ARSB: variants seen among roughly 807,000 people sequenced by gnomAD.
ARSB encodes arylsulfatase B.
In ARSB, 41 loss-of-function variants were observed where a neutral mutation model predicts 50.9. The observed-to-expected ratio is 0.81, with a 90% CI of 0.63 to 1.04. The LOEUF is 1.04. ARSB is among the 50% of genes least tolerant of loss of function. ARSB has a pLI of 0.00. For synonymous variants in ARSB, 269 were observed against 284.8 expected, an observed-to-expected ratio of 0.94 and a Z score of 0.56; for missense variants, 672 against 693.3, an observed-to-expected ratio of 0.97 and a Z score of 0.35.
At chr5:78,870,593 A>G (rs1286060348) in intron 5 of ARSB, among the ~76,000 whole-genome samples, 14 of 150,400 alleles carry the variant, frequency 9.3e-5, no homozygotes, top group African/African-American at 3.5e-4. Context: ...ATGCAGAAAA[A>G]GCCTTTGACA....
intron 6 of ARSB, chr5:78,817,155 C>T: frequency 1.0e-6 from 1 of 977,340 alleles, no homozygotes; most frequent in Non-Finnish European, 1.2e-6. Flanking sequence ...AAAGAATGAT[C>T]ATTAGTAGGC....
chr5:78,931,940 G>A (rs780275037), intron 4 of ARSB, among the ~76,000 whole-genome samples: 1 of 152,094 alleles, frequency 6.6e-6, no homozygotes, highest in Non-Finnish European at 1.5e-5. Flanking sequence ...CTGCCACCAT[G>A]TAAGATGTGC....
chr5:78,839,474 C>G (rs368952944), intron 5 of ARSB, 48 bp from the exon 6 acceptor site: 1 of 1,502,356 alleles, frequency 6.7e-7, no homozygotes, highest in East Asian at 2.3e-5. Context: ...CTCTAATGGG[C>G]ATGAATTATT....
At chr5:78,842,472 C>A (rs1040551846) in intron 5 of ARSB, among the ~76,000 whole-genome samples, 1 of 152,148 alleles carries the variant, frequency 6.6e-6, no homozygotes, top group Non-Finnish European at 1.5e-5. Flanking sequence ...CCAGACCCTG[C>A]GCAGGGCCCA....
chr5:78,885,270 T>C (rs1389001821), intron 5 of ARSB: 5 of 412,624 alleles, frequency 1.2e-5, no homozygotes, highest in African/African-American at 1.0e-4. Context: ...ACTAGTTCCC[T>C]GACCCCCTGC....
At chr5:78,901,699 T>C (rs1748814523) in intron 4 of ARSB, among the ~76,000 whole-genome samples, 1 of 152,100 alleles carries the variant, frequency 6.6e-6, no homozygotes, top group African/African-American at 2.4e-5. Context: ...CAAATTAAAA[T>C]ATTGACACAG....
chr5:78,936,403 T>C (rs1750603676), intron 4 of ARSB, among the ~76,000 whole-genome samples: 1 of 150,174 alleles, frequency 6.7e-6, no homozygotes, highest in Non-Finnish European at 1.5e-5. Context: ...GGATTACAGG[T>C]GCGAGCCACT....
chr5:78,808,072 G>A (rs1352529816), intron 6 of ARSB, among the ~76,000 whole-genome samples: 34 of 110,222 alleles, frequency 3.1e-4, no homozygotes, highest in South Asian at 2.6e-3. Context: ...CAGCCTGGGC[G>A]ACAGAGCGAG....
intron 5 of ARSB, among the ~76,000 whole-genome samples, chr5:78,850,813 T>A (rs1393107124): frequency 6.6e-6 from 1 of 152,248 alleles, no homozygotes; most frequent in African/African-American, 2.4e-5. Flanking sequence ...CAGTAATTTA[T>A]CCGTTTCTTC....
chr5:78,972,413 G>GA lies in ARSB; in HGVS notation c.313-3222dup, dbSNP rs1752488194. ...TTTGTAAATAAACCCTCCCTAATTT[G>GA]AATGTGCCACCTCTTTCCAGCTGGG... On this transcript the variant is annotated intron_variant, in intron 1 of 7. Transcript: ENST00000264914. Among the ~76,000 whole-genome samples the GA allele has an allele frequency of 3.3e-5, 5 of 151,932 alleles. No homozygotes were observed. The South Asian group carries it at 1.0e-3, about 32-fold the overall frequency.
intron 6 of ARSB, among the ~76,000 whole-genome samples, chr5:78,796,879 CTT>C (rs1342063568): frequency 1.5e-4 from 19 of 126,278 alleles, no homozygotes; most frequent in East Asian, 2.1e-4. Flanking sequence ...GTCTCGATCT[CTT>C]TTTTTTTTTT....
At position 78,778,367 on chromosome 5, in the gene ARSB, A is replaced by G. The variant is rs147325213; in HGVS notation, c.*2030T>C. 1 of 152,352 alleles carries G rather than the reference A, an allele frequency of 6.6e-6. No individual in the cohort carries two copies. Among genetic ancestry groups the G allele is most frequent in the East Asian group, 1.9e-4 (1 of 5,188 alleles). 9.4% of individuals were successfully genotyped at this position (152,352 alleles called of 1,614,324 possible). On this transcript the variant is annotated 3_prime_UTR_variant, in exon 8 of 8. Coordinates refer to ENST00000264914, the MANE Select transcript of ARSB (RefSeq NM_000046.5). ...TTTAATACAATACAGGTTAGTAGTGACCAGAAAATATTGCTACTGAATTGA... is the reference window on the plus strand; with the variant it reads ...TTTAATACAATACAGGTTAGTAGTGGCCAGAAAATATTGCTACTGAATTGA...
intron 4 of ARSB, among the ~76,000 whole-genome samples, chr5:78,937,669 G>A (rs73771309): frequency 2.6e-5 from 4 of 151,036 alleles, no homozygotes; most frequent in South Asian, 2.1e-4. Flanking sequence ...TTTTTCCTTC[G>A]ACTCTGGGAT....
chr5:78,839,448 A>T, intron 5 of ARSB, 22 bp from the exon 6 acceptor site: 1 of 1,600,158 alleles, frequency 6.2e-7, no homozygotes, highest in South Asian at 1.1e-5. Context: ...TTTTTAAGGG[A>T]ATGTTAATTT....
At chr5:78,805,000 C>T (rs935374824) in intron 6 of ARSB, among the ~76,000 whole-genome samples, 2 of 152,212 alleles carry the variant, frequency 1.3e-5, no homozygotes, top group Admixed American at 1.3e-4. Context: ...ACACAGCATC[C>T]GGCCTCCAGG....
intron 1 of ARSB, among the ~76,000 whole-genome samples, chr5:78,981,913 TC>T (rs1254307828): frequency 1.8e-5 from 1 of 55,504 alleles, no homozygotes; most frequent in Non-Finnish European, 4.4e-5. Context: ...TAGATATGAC[TC>T]TTTTTTTTTT....
chr5:78,852,075 TG>T (rs1745829618), intron 5 of ARSB, among the ~76,000 whole-genome samples: 1 of 152,230 alleles, frequency 6.6e-6, no homozygotes, highest in African/African-American at 2.4e-5. Context: ...AAGTTAATAT[TG>T]TTATGTGTGA....
intron 4 of ARSB, among the ~76,000 whole-genome samples, chr5:78,893,238 A>G (rs1748401863): frequency 6.6e-6 from 1 of 152,148 alleles, no homozygotes; most frequent in Non-Finnish European, 1.5e-5. Flanking sequence ...CCCAAGCCAC[A>G]TGGAACTGTG....
At chr5:78,825,793 G>T (rs927534451) in intron 6 of ARSB, among the ~76,000 whole-genome samples, 1 of 151,960 alleles carries the variant, frequency 6.6e-6, no homozygotes, top group African/African-American at 2.4e-5. Context: ...GTAAAAGAAA[G>T]GATCTGAAAT....
Sources: gnomAD v4.1 joint callset for allele counts (sites outside exome capture counted in the v4.1 genomes callset) on GRCh38, gnomAD v4.1.1 for gene constraint, MANE v1.5 for transcripts, NCBI Gene and HGNC (gene_info 2026-07-23, HGNC 2026-07-21) for gene names.